Variants in NT5DC3 observed in about 807,000 individuals in gnomAD.
NT5DC3 encodes the protein 5'-nucleotidase domain-containing protein 3.
NT5DC3 carries 42 observed loss-of-function variants against 67.8 expected under a neutral mutation model. The observed-to-expected ratio is 0.62, with a 90% CI of 0.48 to 0.80. NT5DC3 has a LOEUF of 0.80. Ranked by LOEUF, NT5DC3 falls within the 30% of genes least tolerant of loss-of-function variation. The pLI, the probability that NT5DC3 is intolerant of heterozygous loss-of-function variation, is 0.00. For synonymous variants in NT5DC3, 237 were observed against 255.6 expected (o/e 0.93, Z 0.69); for missense variants, 570 against 696.4 (o/e 0.82, Z 2.04).
chr12:103,824,701 C>T (rs1259691485), intron 1 of NT5DC3, among the ~76,000 whole-genome samples: 3 of 113,856 alleles, frequency 2.6e-5, no homozygotes, highest in Admixed American at 9.3e-5. Flanking sequence ...ATGCCACCAA[C>T]ACAATAAAGG....
chr12:103,784,672 G>A (rs1023805388), intron 12 of NT5DC3, among the ~76,000 whole-genome samples: 9 of 152,318 alleles, frequency 5.9e-5, no homozygotes, highest in African/African-American at 2.2e-4. Context: ...TCATGGAACT[G>A]GAAAGGAAAG....
intron 1 of NT5DC3, among the ~76,000 whole-genome samples, chr12:103,831,506 C>T (rs35746861): frequency 0.22 from 33,554 of 151,962 alleles, 4,225 homozygotes; most frequent in South Asian, 0.44. Flanking sequence ...TACAAGGTCA[C>T]GGGACACTTC....
chr12:103,799,918 G>A (rs1886493708), intron 4 of NT5DC3, among the ~76,000 whole-genome samples: 2 of 151,940 alleles, frequency 1.3e-5, no homozygotes, highest in South Asian at 2.1e-4. Flanking sequence ...ACTCTCAAGC[G>A]TCAGGAGGGG....
At chr12:103,759,276 ACAAAGTCTTCTGGG>A in the NT5DC3 span, 1 of 1,613,574 alleles carries the variant, frequency 6.2e-7, no homozygotes, top group Non-Finnish European at 8.5e-7. Context: ...TCCAACCGGT[ACAAAGTCTTCTGGG>A]CTTCTTGGGG....
At chr12:103,839,432 T>C (rs1448585947) in intron 1 of NT5DC3, among the ~76,000 whole-genome samples, 1 of 152,188 alleles carries the variant, frequency 6.6e-6, no homozygotes, top group Non-Finnish European at 1.5e-5. Context: ...CATTTTTTTG[T>C]AGAGATTGGG....
At chr12:103,834,684 A>C (rs1338644698) in intron 1 of NT5DC3, among the ~76,000 whole-genome samples, 1 of 152,232 alleles carries the variant, frequency 6.6e-6, no homozygotes, top group South Asian at 2.1e-4. Context: ...GCTGATCTAA[A>C]AAATAAAGTT....
chr12:103,763,601 C>G, the NT5DC3 span: 23 of 1,613,516 alleles, frequency 1.4e-5, no homozygotes, highest in Middle Eastern at 1.6e-4. Flanking sequence ...TCCTACGACC[C>G]CTTCACGGTG....
intron 13 of NT5DC3, 76 bp downstream of exon 13, chr12:103,780,224 C>G: frequency 8.0e-7 from 1 of 1,252,476 alleles, no homozygotes; most frequent in East Asian, 2.3e-5. Context: ...TCAGGCTGGC[C>G]CTGGGGAACA....
At chr12:103,837,832 G>A (rs879700880) in intron 1 of NT5DC3, among the ~76,000 whole-genome samples, 2 of 152,160 alleles carry the variant, frequency 1.3e-5, no homozygotes, top group Non-Finnish European at 2.9e-5. Context: ...GTCTTCTTCT[G>A]AGTCCTCCAA....
intron 12 of NT5DC3, among the ~76,000 whole-genome samples, chr12:103,781,065 C>T (rs532634877): frequency 1.2e-4 from 19 of 152,130 alleles, no homozygotes; most frequent in Admixed American, 5.2e-4. Context: ...AAAATATGGG[C>T]GAAAGGCAAA....
intron 12 of NT5DC3, among the ~76,000 whole-genome samples, chr12:103,780,811 T>C (rs1377256851): frequency 6.6e-6 from 1 of 152,180 alleles, no homozygotes; most frequent in Non-Finnish European, 1.5e-5. Flanking sequence ...TGTACAAACG[T>C]TATAGTTAAG....
At chr12:103,759,397 G>A in the NT5DC3 span, 2 of 1,387,848 alleles carry the variant, frequency 1.4e-6, no homozygotes, top group Non-Finnish European at 1.9e-6. Context: ...TGCAGATAGG[G>A]GACGGTGTTA....
At chr12:103,818,920 A>C (rs1412748065) in intron 1 of NT5DC3, among the ~76,000 whole-genome samples, 2 of 152,188 alleles carry the variant, frequency 1.3e-5, no homozygotes, top group African/African-American at 4.8e-5. Flanking sequence ...GTGAAGGGGA[A>C]TCGCTTACAG....
the NT5DC3 span, chr12:103,749,097 TGTGC>T: frequency 5.0e-6 from 8 of 1,613,912 alleles, no homozygotes; most frequent in South Asian, 8.8e-5. Flanking sequence ...GATAGACCCC[TGTGC>T]AGACGGCCTT....
At chr12:103,762,428 T>G in the NT5DC3 span, 2 of 1,614,128 alleles carry the variant, frequency 1.2e-6, no homozygotes, top group Non-Finnish European at 1.7e-6. Flanking sequence ...GGGAACATGA[T>G]GATGGGGTCC....
At chr12:103,759,873 CAT>C in the NT5DC3 span, among the ~76,000 whole-genome samples, 1 of 152,182 alleles carries the variant, frequency 6.6e-6, no homozygotes, top group Non-Finnish European at 1.5e-5. Flanking sequence ...AGGGAACCCT[CAT>C]ATGGAGAATA....
chr12:103,796,941 T>C lies in NT5DC3; in HGVS notation c.706A>G (p.Lys236Glu). 1 of 1,614,146 alleles carries C rather than the reference T, an allele frequency of 6.2e-7. No individual in the cohort carries two copies. Among genetic ancestry groups the C allele is most frequent in the Non-Finnish European group, 8.5e-7 (1 of 1,180,018 alleles). The change falls in exon 6 of 14, where the codon AAG (lysine) becomes GAG (glutamate). Residue 236 changes from lysine to glutamate, a missense_variant. Transcript: ENST00000392876. The part of the protein sequence containing the change: ...LLSCVNEYFL[K>E]NNIDYEPVHL... ...ACAGGCTCATAGTCGATGTTGTTCT[T>C]GAGGAAGTATTCATTCACGCAGGAC...
At chr12:103,817,102 A>T (rs1237303320) in intron 1 of NT5DC3, among the ~76,000 whole-genome samples, 1 of 151,406 alleles carries the variant, frequency 6.6e-6, no homozygotes, top group Non-Finnish European at 1.5e-5. Context: ...ATGTGCCAGG[A>T]GGTGAATGCA....
chr12:103,817,485 G>A (rs1170953590), intron 1 of NT5DC3, among the ~76,000 whole-genome samples: 1 of 152,074 alleles, frequency 6.6e-6, no homozygotes, highest in Non-Finnish European at 1.5e-5. Context: ...AACCTGAACT[G>A]TCCATATTTT....
Sources: gnomAD v4.1 joint callset for allele counts (sites outside exome capture counted in the v4.1 genomes callset) on GRCh38, gnomAD v4.1.1 for gene constraint, MANE v1.5 for transcripts, NCBI Gene and HGNC (gene_info 2026-07-23, HGNC 2026-07-21) for gene names.